The following LRP1B variants were observed in gnomAD, a reference collection of about 807,000 sequenced individuals.
LRP1B encodes low-density lipoprotein receptor-related protein 1B.
Under a neutral mutation model 556.6 loss-of-function variants are expected in LRP1B, and 217 were observed. The ratio of observed to expected loss-of-function variants is 0.39; its 90% CI spans 0.35 to 0.44. The LOEUF (loss-of-function observed/expected upper bound fraction) is 0.44. Among genes scored for constraint, LRP1B ranks in the 20% least tolerant of loss-of-function variants. The pLI, the probability that LRP1B is intolerant of heterozygous loss-of-function variation, is 1.00. For synonymous variants in LRP1B, 2,047 were observed against 1,865.8 expected, an observed-to-expected ratio of 1.10 and a Z score of -2.50; for missense variants, 5,053 against 5,620.8, an observed-to-expected ratio of 0.90 and a Z score of 3.23.
intron 2 of LRP1B, among the ~76,000 whole-genome samples, chr2:141,674,429 G>A (rs1690797765): frequency 6.6e-6 from 1 of 151,896 alleles, no homozygotes; most frequent in African/African-American, 2.4e-5. Flanking sequence ...CAATTTATTT[G>A]CCACAATTGT....
intron 41 of LRP1B, among the ~76,000 whole-genome samples, chr2:140,679,938 T>C (rs1685804094): frequency 6.6e-6 from 1 of 151,728 alleles, no homozygotes; most frequent in Non-Finnish European, 1.5e-5. Context: ...AATTTACTTA[T>C]TTATTTATTT....
chr2:141,441,179 T>A (rs983720747), intron 3 of LRP1B, among the ~76,000 whole-genome samples: 1 of 152,056 alleles, frequency 6.6e-6, no homozygotes, highest in African/African-American at 2.4e-5. Context: ...CGGGTTCAAG[T>A]GATTCTCCTG....
intron 7 of LRP1B, among the ~76,000 whole-genome samples, chr2:141,088,316 T>G (rs748240959): frequency 1.3e-5 from 2 of 152,204 alleles, no homozygotes; most frequent in African/African-American, 4.8e-5. Context: ...TTTCTTTAAT[T>G]ACATCAATTT....
intron 2 of LRP1B, among the ~76,000 whole-genome samples, chr2:141,644,409 C>T (rs77769269): frequency 0.04 from 6,048 of 152,034 alleles, 166 homozygotes; most frequent in South Asian, 0.085. Flanking sequence ...ATAGTGAGGG[C>T]GCCCAGCCAC....
intron 2 of LRP1B, among the ~76,000 whole-genome samples, chr2:141,787,177 G>T (rs188477338): frequency 4.6e-5 from 7 of 152,016 alleles, no homozygotes; most frequent in African/African-American, 1.4e-4. Flanking sequence ...TTAGAAAACT[G>T]TATGGAAGTT....
intron 59 of LRP1B, among the ~76,000 whole-genome samples, chr2:140,477,202 G>A (rs1425590507): frequency 6.6e-6 from 1 of 151,894 alleles, no homozygotes; most frequent in Admixed American, 6.6e-5. Flanking sequence ...AAATAAATCA[G>A]AACAATTCTC....
intron 2 of LRP1B, among the ~76,000 whole-genome samples, chr2:141,481,477 C>G (rs777042470): frequency 1.3e-5 from 2 of 152,240 alleles, no homozygotes; most frequent in African/African-American, 2.4e-5. Flanking sequence ...ATTCTATAGT[C>G]CGACACACTT....
chr2:140,487,709 C>T lies in LRP1B; in HGVS notation c.9151G>A (p.Asp3051Asn). 1.3e-6 allele frequency: 2 copies of T among 1,574,760 alleles called. No individual in the cohort carries two copies. The highest frequency in any genetic ancestry group is 1.7e-6 in the Non-Finnish European group (2 of 1,147,508). The change falls in exon 58 of 91, where the codon GAT (aspartate) becomes AAT (asparagine). Residue 3051 changes from aspartate (D) to asparagine (N), a missense_variant. By Grantham distance (23) the Asp-to-Asn change is conservative. Around this residue, in one of 5 missense-constraint regions of LRP1B, gnomAD observed 3,619 missense variants for 3,931.9 expected, o/e 0.92. Transcript: ENST00000389484. ...CAATAGATGAATTCTTCTCTGTAATCAAAGTCTATAGCAATAACATTGTTT... is the reference window on the plus strand; with the variant it reads ...CAATAGATGAATTCTTCTCTGTAATTAAAGTCTATAGCAATAACATTGTTT... ...GLNNVIAIDF[D>N]YREEFIYWID...
At chr2:140,932,206 T>C (rs59758214) in intron 20 of LRP1B, among the ~76,000 whole-genome samples, 14,238 of 152,188 alleles carry the variant, frequency 0.094, 926 homozygotes, top group East Asian at 0.26. Context: ...TTCTTCTCCC[T>C]TTTGCCTTTG....
intron 13 of LRP1B, among the ~76,000 whole-genome samples, chr2:141,014,126 G>C (rs1697834337): frequency 6.6e-6 from 1 of 152,028 alleles, no homozygotes; most frequent in African/African-American, 2.4e-5. Context: ...ATAGAAATCA[G>C]TCTGAATAAT....
chr2:140,975,838 A>T (rs1009724379), intron 18 of LRP1B, among the ~76,000 whole-genome samples: 3 of 152,168 alleles, frequency 2.0e-5, no homozygotes, highest in Non-Finnish European at 4.4e-5. Context: ...ACTATCTTTG[A>T]TACAACTTAC....
chr2:140,779,409 A>C (rs2104958350), intron 32 of LRP1B, among the ~76,000 whole-genome samples: 1 of 152,200 alleles, frequency 6.6e-6, no homozygotes, highest in East Asian at 1.9e-4. Flanking sequence ...TAAGTGTAAG[A>C]AGTGTGGCCG....
rs375349826 is a variant in LRP1B, at chr2:140,449,736, T to G, written c.10057+832A>C. ...TTTATAATAAGGTGGTAGCAAGCTC[T>G]CCAGTAGAAGAAGATAGCCAGTTTC... On this transcript the variant is annotated intron_variant, in intron 63 of 90. Transcript: ENST00000389484. Among the ~76,000 whole-genome samples, 21 of 152,280 alleles carry G rather than the reference T, an allele frequency of 1.4e-4. No homozygotes were observed. The East Asian group carries it at 3.9e-3, about 28-fold the overall frequency.
chr2:141,050,242 A>G (rs1386087667), intron 10 of LRP1B, among the ~76,000 whole-genome samples: 1 of 151,944 alleles, frequency 6.6e-6, no homozygotes, highest in Non-Finnish European at 1.5e-5. Flanking sequence ...ACCTAACAAT[A>G]CAAAGTATAT....
chr2:141,525,993 A>G (rs534732112), intron 2 of LRP1B, among the ~76,000 whole-genome samples: 6 of 152,142 alleles, frequency 3.9e-5, no homozygotes, highest in South Asian at 2.1e-4. Flanking sequence ...ATATAATTCA[A>G]TGAGGTGAAT....
intron 2 of LRP1B, among the ~76,000 whole-genome samples, chr2:141,795,890 ATAT>A (rs1574368844): frequency 1.3e-5 from 1 of 78,698 alleles, no homozygotes; most frequent in East Asian, 5.9e-4. Flanking sequence ...ATATATATAT[ATAT>A]ATATATAATC....
intron 1 of LRP1B, among the ~76,000 whole-genome samples, chr2:141,868,709 T>C (rs1698489543): frequency 6.6e-6 from 1 of 152,284 alleles, no homozygotes; most frequent in East Asian, 1.9e-4. Flanking sequence ...ATTATGGACT[T>C]GTATTTTTCC....
intron 15 of LRP1B, among the ~76,000 whole-genome samples, chr2:140,996,059 C>G (rs1215348045): frequency 6.6e-6 from 1 of 151,910 alleles, no homozygotes; most frequent in Admixed American, 6.6e-5. Context: ...TGTGTCTAAT[C>G]CAGGAATCGT....
chr2:141,953,918 A>C (rs1351211621), intron 1 of LRP1B, among the ~76,000 whole-genome samples: 1 of 152,112 alleles, frequency 6.6e-6, no homozygotes, highest in East Asian at 1.9e-4. Context: ...AGCTATAATG[A>C]ATTAAACCTC....
Sources: gnomAD v4.1 joint callset for allele counts (sites outside exome capture counted in the v4.1 genomes callset) on GRCh38, gnomAD v4.1.1 for gene constraint, gnomAD v4.1.1 regional missense constraint, MANE v1.5 for transcripts, NCBI Gene and HGNC (gene_info 2026-07-23, HGNC 2026-07-21) for gene names.